Variants in DMD observed in about 807,000 individuals in gnomAD.
DMD encodes mutant dystrophin.
Under a neutral mutation model 330.1 loss-of-function variants are expected in DMD, and 63 were observed. The ratio of observed to expected loss-of-function variants is 0.19; its 90% CI spans 0.16 to 0.24. The LOEUF is 0.24. Among genes scored for constraint, DMD ranks in the 10% least tolerant of loss-of-function variants. The pLI is 1.00. For synonymous variants in DMD, 1,223 were observed against 959.8 expected, an observed-to-expected ratio of 1.27 and a Z score of -5.07; for missense variants, 3,344 against 2,684.1, an observed-to-expected ratio of 1.25 and a Z score of -5.43.
chrX:33,194,485 A>G (rs1239370678), intron 1 of DMD, among the ~76,000 whole-genome samples: 2 of 111,273 alleles, frequency 1.8e-5, no homozygotes, highest in African/African-American at 6.5e-5. Flanking sequence ...AAAAAATTTA[A>G]TTATGGAACT....
At chrX:31,830,605 AAAC>A in intron 49 of DMD, among the ~76,000 whole-genome samples, 1 of 112,270 alleles carries the variant, frequency 8.9e-6, no homozygotes, top group East Asian at 2.8e-4. Context: ...AAAAACAAAC[AAAC>A]AACCAAAATC....
At chrX:32,053,241 C>A (rs1477440189) in intron 44 of DMD, among the ~76,000 whole-genome samples, 2 of 111,620 alleles carry the variant, frequency 1.8e-5, no homozygotes, top group Non-Finnish European at 3.8e-5. Flanking sequence ...GCATCCCTAA[C>A]AGATGACAAG....
intron 5 of DMD, among the ~76,000 whole-genome samples, chrX:32,820,264 C>T (rs2078126097): frequency 9.0e-6 from 1 of 110,654 alleles, no homozygotes; most frequent in Non-Finnish European, 1.9e-5. Context: ...ACGGTGAAAC[C>T]CCATCTCTAC....
intron 1 of DMD, among the ~76,000 whole-genome samples, chrX:33,242,042 G>A (rs1263763489): frequency 1.8e-5 from 2 of 112,293 alleles, no homozygotes; most frequent in Admixed American, 9.4e-5. Flanking sequence ...GATTACAGGC[G>A]TGAGCCACCG....
At position 31,458,536 on chromosome X, in the gene DMD, T is replaced by A. The variant is rs932868790; in HGVS notation, c.8938-13909A>T. On this transcript the variant is annotated intron_variant, in intron 59 of 78. Transcript: ENST00000357033. ...TTCCAAAAAAAAAAAAAAAAAAAAA[T>A]CACTCATTGGCCAAATCTACCCTTT... Among the ~76,000 whole-genome samples the A allele has an allele frequency of 4.4e-3, 398 of 89,962 alleles. 1 individual carries two copies. Among genetic ancestry groups the A allele is most frequent in the African/African-American group, 0.013 (296 of 23,468 alleles). 78.1% of individuals were successfully genotyped at this position (89,962 alleles called of 115,157 possible).
intron 43 of DMD, among the ~76,000 whole-genome samples, chrX:32,248,237 T>G (rs1235877678): frequency 9.0e-6 from 1 of 111,711 alleles, no homozygotes; most frequent in East Asian, 2.8e-4. Context: ...TATATGAATT[T>G]TAATAATCAA....
At chrX:32,618,552 C>G (rs1011123683) in intron 11 of DMD, among the ~76,000 whole-genome samples, 4 of 110,958 alleles carry the variant, frequency 3.6e-5, no homozygotes, top group Non-Finnish European at 5.7e-5. Flanking sequence ...GAAAAAATAA[C>G]TAATGAGTAC....
chrX:32,242,001 T>C (rs1317805876), intron 43 of DMD, among the ~76,000 whole-genome samples: 1 of 111,652 alleles, frequency 9.0e-6, no homozygotes, highest in African/African-American at 3.3e-5. Context: ...CAAGACCAGG[T>C]AGATCATCAT....
At chrX:33,072,349 T>C (rs757392878) in intron 1 of DMD, among the ~76,000 whole-genome samples, 3 of 111,665 alleles carry the variant, frequency 2.7e-5, no homozygotes, top group African/African-American at 9.8e-5. Context: ...ACCTGGGAGA[T>C]GGAGGTTGCA....
chrX:32,426,606 G>A (rs182491898), intron 29 of DMD, among the ~76,000 whole-genome samples: 2 of 111,418 alleles, frequency 1.8e-5, no homozygotes, highest in African/African-American at 3.3e-5. Context: ...CCCCATTACC[G>A]GGTGTATAGC....
chrX:32,298,479 A>G (rs1489892326), intron 42 of DMD, among the ~76,000 whole-genome samples: 2 of 106,212 alleles, frequency 1.9e-5, no homozygotes, highest in Admixed American at 1.0e-4. Context: ...TAAATTTAAG[A>G]TGTTTATTAT....
intron 1 of DMD, among the ~76,000 whole-genome samples, chrX:33,236,019 C>T (rs764151373): frequency 7.0e-4 from 70 of 99,614 alleles, no homozygotes; most frequent in African/African-American, 2.5e-3. Context: ...GGGTTCATGC[C>T]ATTCTCCTGC....
chrX:32,346,708 C>T (rs1046717629), intron 38 of DMD, among the ~76,000 whole-genome samples: 5 of 111,448 alleles, frequency 4.5e-5, no homozygotes, highest in African/African-American at 1.6e-4. Flanking sequence ...AATTTAAATA[C>T]GATCAAATAA....
chrX:32,808,931 T>C (rs779236396), intron 7 of DMD, among the ~76,000 whole-genome samples: 2 of 112,129 alleles, frequency 1.8e-5, no homozygotes, highest in South Asian at 7.4e-4. Flanking sequence ...GTCAAAGTTA[T>C]TGAAGTGTAA....
At chrX:32,414,310 T>G (rs756371137) in intron 29 of DMD, among the ~76,000 whole-genome samples, 1 of 112,022 alleles carries the variant, frequency 8.9e-6, no homozygotes, top group African/African-American at 3.2e-5. Context: ...TCTTGCATGT[T>G]CTTTGAATTT....
intron 44 of DMD, among the ~76,000 whole-genome samples, chrX:32,052,046 G>A (rs1156578274): frequency 8.9e-6 from 1 of 112,125 alleles, no homozygotes; most frequent in Non-Finnish European, 1.9e-5. Flanking sequence ...TTCGTATTGG[G>A]TAGAAATATA....
At chrX:31,322,285 C>T (rs2056480870) in intron 62 of DMD, among the ~76,000 whole-genome samples, 7 of 111,478 alleles carry the variant, frequency 6.3e-5, no homozygotes. Context: ...GAAAATTGTT[C>T]CATAAAATAT....
At chrX:33,129,635 C>G (rs1259841700) in intron 1 of DMD, among the ~76,000 whole-genome samples, 6 of 108,352 alleles carry the variant, frequency 5.5e-5, no homozygotes, top group Non-Finnish European at 1.1e-4. Context: ...TTTCTCCGTT[C>G]CCTACTCTCA....
At chrX:31,396,223 C>T (rs779878288) in intron 60 of DMD, among the ~76,000 whole-genome samples, 1 of 108,098 alleles carries the variant, frequency 9.3e-6, no homozygotes, top group Non-Finnish European at 1.9e-5. Flanking sequence ...CTGCAAGCTC[C>T]GCCTCCCGGG....
Sources: gnomAD v4.1 joint callset for allele counts (sites outside exome capture counted in the v4.1 genomes callset) on GRCh38, gnomAD v4.1.1 for gene constraint, MANE v1.5 for transcripts, NCBI Gene and HGNC (gene_info 2026-07-23, HGNC 2026-07-21) for gene names.